Variants in PELI1 observed in about 807,000 individuals in gnomAD.
PELI1 encodes pellino E3 ubiquitin protein ligase 1, also known as E3 ubiquitin-protein ligase pellino homolog 1.
Under a neutral mutation model 41.3 loss-of-function variants are expected in PELI1, and 15 were observed. The ratio of observed to expected loss-of-function variants is 0.36; its 90% CI spans 0.24 to 0.56. PELI1 has a LOEUF of 0.56. Ranked by LOEUF, PELI1 falls within the 20% of genes least tolerant of loss-of-function variation. The probability of loss-of-function intolerance (pLI) is 0.82; values close to 1 mark genes in which losing one functional copy is unlikely to be tolerated. For synonymous variants in PELI1, 178 were observed against 180.1 expected (o/e 0.99, Z 0.09); for missense variants, 403 against 525.5 (o/e 0.77, Z 2.28).
At chr2:64,139,088 G>T (rs752434734) in intron 1 of PELI1, among the ~76,000 whole-genome samples, 4 of 152,030 alleles carry the variant, frequency 2.6e-5, no homozygotes, top group African/African-American at 4.8e-5. Flanking sequence ...TGAAAAAATG[G>T]ACAAATCCTT....
At position 64,140,799 on chromosome 2, in the gene PELI1, AC is replaced by A. The variant is rs145793481; in HGVS notation, c.-70+3281del. Among the ~76,000 whole-genome samples the A allele has an allele frequency of 7.8e-3, 976 of 125,434 alleles. 238 individuals are homozygous for A. Among genetic ancestry groups the A allele is most frequent in the African/African-American group, 0.019 (591 of 30,504 alleles). 82.3% of individuals were successfully genotyped at this position (125,434 alleles called of 152,430 possible). ...TCAAGACAACATGCAAAAAAAAAAA[AC>A]AAACAAACAAAAAAAAACCTAGGGG... is the stretch of plus-strand genomic sequence containing the variant. On this transcript the variant is annotated intron_variant, in intron 1 of 6. Coordinates refer to ENST00000358912, the MANE Select transcript of PELI1 (RefSeq NM_020651.4).
intron 1 of PELI1, among the ~76,000 whole-genome samples, chr2:64,125,546 G>A (rs1429184164): frequency 6.6e-6 from 1 of 152,140 alleles, no homozygotes; most frequent in Non-Finnish European, 1.5e-5. Flanking sequence ...TGAGGACAAA[G>A]ACATTACCAA....
At chr2:64,097,022 T>C (rs143792948) in intron 4 of PELI1, among the ~76,000 whole-genome samples, 313 of 152,360 alleles carry the variant, frequency 2.1e-3, no homozygotes, top group African/African-American at 7.1e-3. Flanking sequence ...GTAAATCTTT[T>C]AGGATGACTG....
At chr2:64,108,169 A>T in intron 2 of PELI1, 71 bp downstream of exon 2, 1 of 811,370 alleles carries the variant, frequency 1.2e-6, no homozygotes, top group Middle Eastern at 2.4e-4. Context: ...AAAAAAAAGT[A>T]CTTTTAGCCT....
chr2:64,111,461 T>C lies in PELI1; in HGVS notation c.-69-3082A>G, dbSNP rs150686898. Among the ~76,000 whole-genome samples, 19 of 152,280 alleles carry C rather than the reference T, an allele frequency of 1.2e-4. No homozygotes were observed. The Middle Eastern group carries it at 0.01, about 82-fold the overall frequency. On this transcript the variant is annotated intron_variant, in intron 1 of 6. Transcript: ENST00000358912. ...ATTATTTTAAAAAATGCTTCAGAAA[T>C]ATTTTAAGAAAAACATTTCCATCAT...
chr2:64,113,299 A>G (rs1300607178), intron 1 of PELI1, among the ~76,000 whole-genome samples: 1 of 130,996 alleles, frequency 7.6e-6, no homozygotes, highest in East Asian at 4.6e-4. Flanking sequence ...TCAAAAAAAA[A>G]GAAAAAAAAA....
At position 64,104,794 on chromosome 2, in the gene PELI1, C is replaced by T; in HGVS notation, c.108G>A (p.Arg36=). The T allele has an allele frequency of 6.2e-7, 1 of 1,613,540 alleles. No homozygotes were observed. The highest frequency in any genetic ancestry group is 8.5e-7 in the Non-Finnish European group (1 of 1,179,766). The change falls in exon 3 of 7, where the codon AGG becomes AGA. Residue 36 remains arginine, a synonymous_variant. Coordinates refer to ENST00000358912, the MANE Select transcript of PELI1 (RefSeq NM_020651.4). ...NGSLPNGDRG[R]RKSRFALFKR... is the part of the protein sequence containing the mutation. The stretch of plus-strand genomic sequence containing the variant: ...TAAACAAAGCAAACCTACTTTTCCT[C>T]CTTCCTCTATCGCCATTTGGGAGAG...
At chr2:64,129,245 G>A (rs1042309088) in intron 1 of PELI1, among the ~76,000 whole-genome samples, 1 of 152,144 alleles carries the variant, frequency 6.6e-6, no homozygotes, top group African/African-American at 2.4e-5. Context: ...CATTGTGTGG[G>A]TGGAGGAAAG....
At chr2:64,122,074 A>C (rs1344070297) in intron 1 of PELI1, among the ~76,000 whole-genome samples, 1 of 152,060 alleles carries the variant, frequency 6.6e-6, no homozygotes, top group Non-Finnish European at 1.5e-5. Flanking sequence ...CTTTCTTTAC[A>C]ATGATGTTTA....
chr2:64,140,937 G>C (rs1392093801), intron 1 of PELI1, among the ~76,000 whole-genome samples: 1 of 151,438 alleles, frequency 6.6e-6, no homozygotes, highest in East Asian at 1.9e-4. Flanking sequence ...TTAAAACTAA[G>C]AAAATATAAT....
intron 1 of PELI1, among the ~76,000 whole-genome samples, chr2:64,116,541 T>A (rs1355095675): frequency 2.0e-5 from 3 of 152,228 alleles, no homozygotes; most frequent in Admixed American, 6.5e-5. Context: ...TGGCTAACAC[T>A]GAATTCAGTC....
intron 1 of PELI1, among the ~76,000 whole-genome samples, chr2:64,127,011 A>C (rs1236153540): frequency 6.6e-6 from 1 of 152,238 alleles, no homozygotes; most frequent in Non-Finnish European, 1.5e-5. Context: ...GAATCAAAAA[A>C]CAAAAAGTAT....
At chr2:64,099,264 C>T (rs1001593674) in intron 4 of PELI1, among the ~76,000 whole-genome samples, 9 of 151,970 alleles carry the variant, frequency 5.9e-5, no homozygotes, top group African/African-American at 2.2e-4. Flanking sequence ...AGGCTGGCCT[C>T]AAGCTATCCT....
At chr2:64,111,737 G>C (rs1680812648) in intron 1 of PELI1, among the ~76,000 whole-genome samples, 1 of 152,032 alleles carries the variant, frequency 6.6e-6, no homozygotes, top group Non-Finnish European at 1.5e-5. Context: ...GAATAATTTT[G>C]GTTCCATATA....
At chr2:64,134,716 G>A (rs1681661155) in intron 1 of PELI1, among the ~76,000 whole-genome samples, 1 of 152,086 alleles carries the variant, frequency 6.6e-6, no homozygotes, top group South Asian at 2.1e-4. Context: ...AGCTTTTAGT[G>A]CTTCCAGTAC....
intron 6 of PELI1, 64 bp downstream of exon 6, chr2:64,096,061 A>C: frequency 1.8e-6 from 2 of 1,115,752 alleles, no homozygotes; most frequent in Non-Finnish European, 2.6e-6. Context: ...TATGTAATGC[A>C]TTCAGTTCTA....
chr2:64,126,269 T>C (rs1389153500), intron 1 of PELI1, among the ~76,000 whole-genome samples: 3 of 152,162 alleles, frequency 2.0e-5, no homozygotes, highest in African/African-American at 7.2e-5. Context: ...GTTCAACCGA[T>C]TCTCCTGCCT....
chr2:64,140,787 C>CAAAAAAAACAA (rs1681877781), intron 1 of PELI1, among the ~76,000 whole-genome samples: 1 of 46,358 alleles, frequency 2.2e-5, no homozygotes, highest in Non-Finnish European at 3.5e-5. Flanking sequence ...AGACAACATG[C>CAAAAAAAACAA]AAAAAAAAAA....
intron 1 of PELI1, 123 bp downstream of exon 1, chr2:64,143,958 G>T (rs1682014466): frequency 1.7e-5 from 1 of 58,006 alleles, no homozygotes; most frequent in African/African-American, 7.2e-5. Flanking sequence ...GCGCGCAGGC[G>T]GGCGGGGAGA....
Sources: gnomAD v4.1 joint callset for allele counts (sites outside exome capture counted in the v4.1 genomes callset) on GRCh38, gnomAD v4.1.1 for gene constraint, MANE v1.5 for transcripts, NCBI Gene and HGNC (gene_info 2026-07-23, HGNC 2026-07-21) for gene names.